The following DOCK8 variants were observed in gnomAD, a reference collection of about 807,000 sequenced individuals.
The protein encoded by DOCK8 is dedicator of cytokinesis 8.
A neutral mutation model predicts 245.6 loss-of-function variants in DOCK8; 141 were observed. The observed-to-expected ratio is 0.57, with a 90% CI of 0.50 to 0.66. The LOEUF (loss-of-function observed/expected upper bound fraction) is 0.66, where lower values mean the gene tolerates loss of function less well. Ranked by LOEUF, DOCK8 falls within the 30% of genes least tolerant of loss-of-function variation. The pLI is 0.00. For missense variants in DOCK8, 2,965 were observed against 2,603.4 expected, an observed-to-expected ratio of 1.14 and a Z score of -3.02; for synonymous variants, 1,168 against 970.2, an observed-to-expected ratio of 1.20 and a Z score of -3.79.
chr9:362,421 T>G (rs963432864), intron 14 of DOCK8, among the ~76,000 whole-genome samples: 4 of 152,198 alleles, frequency 2.6e-5, no homozygotes, highest in African/African-American at 9.6e-5. Flanking sequence ...ATCACCTTTG[T>G]CACTGGAAGC....
rs1358279964 is a variant in DOCK8 at position 232,766 on chromosome 9, G to A, written c.53+17737G>A. Reference sequence around the variant, plus strand: ...TATCCCCTTTATCATTTTTTACTGCGTCTGTTTGATTCTTCTCTCTTTTCT... The same window carrying A: ...TATCCCCTTTATCATTTTTTACTGCATCTGTTTGATTCTTCTCTCTTTTCT... On this transcript the variant is annotated intron_variant, in intron 1 of 47. Coordinates refer to ENST00000432829, the MANE Select transcript of DOCK8 (RefSeq NM_203447.4). Among the ~76,000 whole-genome samples, 28 of 150,270 alleles carry A rather than the reference G, an allele frequency of 1.9e-4. No homozygotes were observed. In the East Asian group the frequency reaches 2.3e-3, roughly 12 times the overall value.
intron 14 of DOCK8, among the ~76,000 whole-genome samples, chr9:342,701 C>G (rs1004963218): frequency 9.9e-5 from 15 of 152,140 alleles, no homozygotes; most frequent in African/African-American, 3.6e-4. Context: ...AACTCCTGAC[C>G]TCGTGATCCA....
intron 46 of DOCK8, among the ~76,000 whole-genome samples, chr9:454,089 A>G (rs984913912): frequency 1.3e-5 from 2 of 152,194 alleles, no homozygotes; most frequent in African/African-American, 4.8e-5. Flanking sequence ...AGAAAAGAGA[A>G]ATCAGTTTCA....
At chr9:271,498 T>C in intron 1 of DOCK8, 129 bp from the exon 2 acceptor site, 1 of 703,822 alleles carries the variant, frequency 1.4e-6, no homozygotes, top group Non-Finnish European at 2.4e-6. Flanking sequence ...TGAAAAGGTA[T>C]CTTAGTCAGT....
At chr9:341,326 T>G (rs1448936162) in intron 14 of DOCK8, among the ~76,000 whole-genome samples, 1 of 152,252 alleles carries the variant, frequency 6.6e-6, no homozygotes, top group African/African-American at 2.4e-5. Context: ...CCATGGGGTC[T>G]GGAAGGAGTG....
At chr9:308,950 C>A (rs1006890634) in intron 5 of DOCK8, among the ~76,000 whole-genome samples, 1 of 152,234 alleles carries the variant, frequency 6.6e-6, no homozygotes, top group Non-Finnish European at 1.5e-5. Flanking sequence ...AGCCACCGCA[C>A]CTGGCCAGGT....
intron 23 of DOCK8, among the ~76,000 whole-genome samples, chr9:388,430 T>C (rs1241411144): frequency 1.3e-5 from 2 of 152,206 alleles, no homozygotes; most frequent in African/African-American, 2.4e-5. Flanking sequence ...TTGGTTAAAA[T>C]ACCCAAGCAT....
intron 1 of DOCK8, among the ~76,000 whole-genome samples, chr9:242,379 C>T (rs770900994): frequency 1.3e-5 from 2 of 152,034 alleles, no homozygotes; most frequent in African/African-American, 2.4e-5. Flanking sequence ...TTAATTTGTC[C>T]TCATTGATAG....
In DOCK8 at chr9:215,635, A is replaced by C. The variant is rs1054879131; in HGVS notation, c.53+606A>C. ...TTTTTTAAAAAATCTACACTTAAAT[A>C]AACCAAAAGAAATGGCCTGTGGCTG... On this transcript the variant is annotated intron_variant, in intron 1 of 47. Coordinates refer to ENST00000432829, the MANE Select transcript of DOCK8 (RefSeq NM_203447.4). 3.4e-5 allele frequency: 16 copies of C among 469,036 alleles called. No homozygotes were observed. In the Admixed American group the frequency reaches 7.1e-4, roughly 21 times the overall value. The allele number at this position is 469,036 out of a possible 1,614,324, so 29.1% of individuals were successfully genotyped here. A position where few individuals can be genotyped will look rare whatever the true frequency, so the allele number is the denominator to read the frequency against.
At chr9:223,058 C>T (rs1412564482) in intron 1 of DOCK8, among the ~76,000 whole-genome samples, 4 of 151,772 alleles carry the variant, frequency 2.6e-5, no homozygotes, top group Non-Finnish European at 5.9e-5. Flanking sequence ...GTTCCTTTTC[C>T]TCTAGAATTG....
In DOCK8 at chr9:382,695, A is replaced by G. The variant is rs2131299126; in HGVS notation, c.2778+10A>G. ...CATCATGTCTTCAAAGGTAGGAAAG[A>G]TGTCAAACCGTGGAAGGGGACACAG... On this transcript the variant is annotated intron_variant, in intron 22 of 47. Coordinates refer to ENST00000432829, the MANE Select transcript of DOCK8 (RefSeq NM_203447.4). 1.2e-6 allele frequency: 2 copies of G among 1,614,150 alleles called. No individual in the cohort carries two copies. Among genetic ancestry groups the G allele is most frequent in the Admixed American group, 3.3e-5 (2 of 60,026 alleles).
intron 2 of DOCK8, among the ~76,000 whole-genome samples, chr9:285,716 C>A (rs1234139981): frequency 6.6e-6 from 1 of 152,116 alleles, no homozygotes; most frequent in East Asian, 1.9e-4. Flanking sequence ...TCTATTATTT[C>A]TTTTACTCCC....
chr9:329,283 T>G (rs1365942240), intron 9 of DOCK8, among the ~76,000 whole-genome samples: 2 of 152,104 alleles, frequency 1.3e-5, no homozygotes, highest in African/African-American at 2.4e-5. Context: ...AACAACAAAT[T>G]CAGGTGTCTG....
Position 434,913 on chromosome 9 carries a change from G to A in DOCK8, c.5017G>A (p.Ala1673Thr), listed in dbSNP as rs1178170951. Residue 1673 changes from alanine (A) to threonine (T), a missense_variant, in exon 39 of 48, where the codon GCT becomes ACT. This residue lies in a region of DOCK8 where 2,825 missense variants were observed against 2,453.5 expected (regional missense o/e 1.15). Transcript: ENST00000432829. Reference sequence around the variant, plus strand: ...CCTGGTGCACGCCGCTGCGTTAGTGGCTGAGTATCTGAGCATGCTGGAGGA... The same window carrying A: ...CCTGGTGCACGCCGCTGCGTTAGTGACTGAGTATCTGAGCATGCTGGAGGA... ...MCLVHAAALV[A>T]EYLSMLEDHS... is the part of the protein sequence containing the mutation. 6.2e-7 allele frequency: 1 copy of A among 1,613,676 alleles called. No homozygotes were observed. Among genetic ancestry groups the A allele is most frequent in the Non-Finnish European group, 8.5e-7 (1 of 1,180,050 alleles).
At chr9:324,170 G>A (rs1012073012) in intron 7 of DOCK8, among the ~76,000 whole-genome samples, 1 of 152,186 alleles carries the variant, frequency 6.6e-6, no homozygotes, top group Non-Finnish European at 1.5e-5. Context: ...GGGTGCCCTG[G>A]GAGTCTGCCA....
intron 1 of DOCK8, among the ~76,000 whole-genome samples, chr9:218,622 T>A (rs2046816507): frequency 6.6e-6 from 1 of 152,222 alleles, no homozygotes; most frequent in Non-Finnish European, 1.5e-5. Flanking sequence ...AGTGCCTTTG[T>A]AGATTATAAA....
chr9:453,982 G>A (rs1419195742), intron 46 of DOCK8, among the ~76,000 whole-genome samples: 2 of 152,182 alleles, frequency 1.3e-5, no homozygotes, highest in Admixed American at 1.3e-4. Context: ...TTGTTCCTCT[G>A]TTCTTAATGA....
chr9:292,387 C>CAAAAAAAAA (rs5895837), intron 4 of DOCK8, among the ~76,000 whole-genome samples: 3 of 63,074 alleles, frequency 4.8e-5, no homozygotes, highest in African/African-American at 7.0e-5. Flanking sequence ...AACTCCGTCT[C>CAAAAAAAAA]AAAAAAAAAA....
chr9:436,707 G>A (rs956919), intron 39 of DOCK8, among the ~76,000 whole-genome samples: 107,036 of 151,812 alleles, frequency 0.71, 38,888 homozygotes, highest in East Asian at 0.98. Context: ...ACATTATTCC[G>A]ACATGGGGGC....
Sources: gnomAD v4.1 joint callset for allele counts (sites outside exome capture counted in the v4.1 genomes callset) on GRCh38, gnomAD v4.1.1 for gene constraint, gnomAD v4.1.1 regional missense constraint, MANE v1.5 for transcripts, NCBI Gene and HGNC (gene_info 2026-07-23, HGNC 2026-07-21) for gene names.